LANCL1: variants seen among roughly 807,000 people sequenced by gnomAD.
LANCL1 encodes glutathione S-transferase LANCL1.
A neutral mutation model predicts 50.6 loss-of-function variants in LANCL1; 50 were observed. The ratio of observed to expected loss-of-function variants is 0.99; its 90% CI spans 0.79 to 1.25. The LOEUF (loss-of-function observed/expected upper bound fraction) is 1.25. LANCL1 is among the 50% of genes most tolerant of loss of function. The pLI, the probability that LANCL1 is intolerant of heterozygous loss-of-function variation, is 0.00. For missense variants in LANCL1, 532 were observed against 480.7 expected (o/e 1.11, Z -1.00); for synonymous variants, 188 against 178.6 (o/e 1.05, Z -0.42).
Position 210,451,455 on chromosome 2 carries a change from C to T in LANCL1, c.407+3652G>A, listed in dbSNP as rs139168162. Among the ~76,000 whole-genome samples the T allele has an allele frequency of 3.9e-4, 59 of 151,996 alleles. 2 individuals are homozygous for T. The East Asian group carries it at 0.011, about 27-fold the overall frequency. On this transcript the variant is annotated intron_variant, in intron 4 of 9. Transcript: ENST00000450366. ...ACCTGCATATTCTACACATGTACCC[C>T]GGAACTCAAAGTATAATAACAACAA... is the stretch of plus-strand genomic sequence containing the variant.
chr2:210,456,476 G>A (rs3845633), intron 3 of LANCL1, among the ~76,000 whole-genome samples: 93,206 of 151,804 alleles, frequency 0.61, 29,245 homozygotes, highest in East Asian at 0.82. Context: ...AACCTTGACT[G>A]CTCTTTCAAA....
chr2:210,441,376 T>C lies in LANCL1; in HGVS notation c.475A>G (p.Ile159Val). ...NEMLYGRIGY[I>V]YALLFVNKNF... ...TTATTGACAAAAAGAAGAGCATAGA[T>C]GTAGCCTATTCGCCCATAGAGCATT... Residue 159 changes from isoleucine to valine, a missense_variant, in exon 5 of 10, where the codon ATC becomes GTC. Ile to Val is a conservative substitution (Grantham distance 29). Transcript: ENST00000450366. The C allele has an allele frequency of 6.2e-7, 1 of 1,613,340 alleles. No individual in the cohort carries two copies. Among genetic ancestry groups the C allele is most frequent in the Non-Finnish European group, 8.5e-7 (1 of 1,179,468 alleles).
intron 2 of LANCL1, among the ~76,000 whole-genome samples, chr2:210,473,701 C>T (rs1282784088): frequency 1.3e-5 from 2 of 152,118 alleles, no homozygotes; most frequent in Non-Finnish European, 2.9e-5. Context: ...GAGGAGCATC[C>T]TTGATAAGGC....
chr2:210,449,535 C>T (rs1203905763), intron 4 of LANCL1, among the ~76,000 whole-genome samples: 1 of 152,064 alleles, frequency 6.6e-6, no homozygotes, highest in Non-Finnish European at 1.5e-5. Flanking sequence ...ATAAAGGGTA[C>T]TCAGATAGGA....
At chr2:210,469,533 C>T (rs1305284501) in intron 3 of LANCL1, among the ~76,000 whole-genome samples, 2 of 152,132 alleles carry the variant, frequency 1.3e-5, no homozygotes, top group African/African-American at 4.8e-5. Flanking sequence ...CATCTTAAAA[C>T]AACCAGCTGC....
chr2:210,458,532 T>A (rs1462127776), intron 3 of LANCL1, among the ~76,000 whole-genome samples: 11 of 151,790 alleles, frequency 7.2e-5, no homozygotes, highest in Admixed American at 5.9e-4. Context: ...GCTTCAGGAG[T>A]AGGAGCGAGA....
intron 4 of LANCL1, among the ~76,000 whole-genome samples, chr2:210,443,898 G>A (rs555959859): frequency 6.6e-6 from 1 of 152,272 alleles, no homozygotes; most frequent in African/African-American, 2.4e-5. Context: ...TGGAATGAGT[G>A]GTAAAGATGG....
chr2:210,431,871 T>C lies in LANCL1; in HGVS notation c.*2616A>G, dbSNP rs902705591. 2 of 152,202 alleles carry C rather than the reference T, an allele frequency of 1.3e-5. No homozygotes were observed. Among genetic ancestry groups the C allele is most frequent in the Non-Finnish European group, 2.9e-5 (2 of 68,036 alleles). The allele number at this position is 152,202 out of a possible 1,614,324, so 9.4% of individuals were successfully genotyped here. On this transcript the variant is annotated 3_prime_UTR_variant, in exon 10 of 10. Coordinates refer to ENST00000450366, the MANE Select transcript of LANCL1 (RefSeq NM_006055.3). Reference sequence around the variant, plus strand: ...AGGATAATGTTAACTTTTTACATGATGAAAAGTTAACTATTTGCAATTTCT... The same window carrying C: ...AGGATAATGTTAACTTTTTACATGACGAAAAGTTAACTATTTGCAATTTCT...
intron 3 of LANCL1, among the ~76,000 whole-genome samples, chr2:210,459,502 T>C (rs1693777742): frequency 6.6e-6 from 1 of 152,106 alleles, no homozygotes; most frequent in African/African-American, 2.4e-5. Flanking sequence ...GTAAACACAA[T>C]TTAAAATTCA....
At chr2:210,437,918 C>G in intron 6 of LANCL1, 46 bp from the exon 7 acceptor site, 1 of 1,352,454 alleles carries the variant, frequency 7.4e-7, no homozygotes, top group South Asian at 1.6e-5. Flanking sequence ...GCAAATAAAC[C>G]TTCCTAGGTC....
chr2:210,437,628 T>C (rs1692977835), intron 7 of LANCL1, 62 bp downstream of exon 7: 5 of 1,038,080 alleles, frequency 4.8e-6, no homozygotes, highest in Admixed American at 3.1e-5. Flanking sequence ...AGGATAAAAC[T>C]AATTTTAAAT....
At chr2:210,459,183 TTAA>T (rs1292792047) in intron 3 of LANCL1, among the ~76,000 whole-genome samples, 1 of 152,066 alleles carries the variant, frequency 6.6e-6, no homozygotes, top group Non-Finnish European at 1.5e-5. Flanking sequence ...TATTTTATAT[TTAA>T]TAAATGGTGT....
rs552994347 is a variant in LANCL1, at chr2:210,441,641, T to C, written c.408-198A>G. Among the ~76,000 whole-genome samples, 4 of 152,266 alleles carry C rather than the reference T, an allele frequency of 2.6e-5. No individual in the cohort carries two copies. In the East Asian group the frequency reaches 7.7e-4, roughly 29 times the overall value. ...TTCACTTAACAATGGAACTGACAAA[T>C]ACATTCATAAAATGAAAGAATACAA... On this transcript the variant is annotated intron_variant, in intron 4 of 9. Transcript: ENST00000450366.
chr2:210,444,914 T>C (rs1013039363), intron 4 of LANCL1, among the ~76,000 whole-genome samples: 5 of 152,142 alleles, frequency 3.3e-5, no homozygotes, highest in Admixed American at 6.5e-5. Flanking sequence ...GAATTTTAAA[T>C]TTTTAATAAA....
Position 210,435,476 on chromosome 2 carries a change from G to C in LANCL1, c.1051-17C>G. 6.2e-7 allele frequency: 1 copy of C among 1,600,168 alleles called. No individual in the cohort carries two copies. The highest frequency in any genetic ancestry group is 1.1e-5 in the South Asian group (1 of 90,800). On this transcript the variant is annotated splice_polypyrimidine_tract_variant and intron_variant, in intron 8 of 9. Transcript: ENST00000450366. Reference sequence around the variant, plus strand: ...TTCAGCAAACTGAAAATGAGACCAAGTTAAATTAGTATAGTGATTTCTTCC... The same window carrying C: ...TTCAGCAAACTGAAAATGAGACCAACTTAAATTAGTATAGTGATTTCTTCC...
Position 210,453,836 on chromosome 2 carries a change from T to TA in LANCL1, c.407+1270dup, listed in dbSNP as rs1693580853. ...CAGCTACTATGGAAGGAACACACTT[T>TA]AAACTTTGGGGGAAATCACTGTTTT... On this transcript the variant is annotated intron_variant, in intron 4 of 9. Coordinates refer to ENST00000450366, the MANE Select transcript of LANCL1 (RefSeq NM_006055.3). Among the ~76,000 whole-genome samples the TA allele has an allele frequency of 1.3e-5, 2 of 152,200 alleles. 1 individual carries two copies. Among genetic ancestry groups the TA allele is most frequent in the Admixed American group, 1.3e-4 (2 of 15,276 alleles).
At chr2:210,451,417 A>C (rs1419658757) in intron 4 of LANCL1, among the ~76,000 whole-genome samples, 2 of 152,176 alleles carry the variant, frequency 1.3e-5, no homozygotes, top group Non-Finnish European at 2.9e-5. Flanking sequence ...GCACGTGTAT[A>C]CCTGTGTAAC....
At chr2:210,448,359 G>C (rs1182883623) in intron 4 of LANCL1, among the ~76,000 whole-genome samples, 1 of 152,194 alleles carries the variant, frequency 6.6e-6, no homozygotes, top group Non-Finnish European at 1.5e-5. Context: ...GCAGCGTTTA[G>C]AGGGAAATTT....
At chr2:210,467,067 T>C (rs1412185843) in intron 3 of LANCL1, among the ~76,000 whole-genome samples, 1 of 152,188 alleles carries the variant, frequency 6.6e-6, no homozygotes, top group African/African-American at 2.4e-5. Flanking sequence ...TGAGTTCTTA[T>C]GAACCAGTGC....
Sources: gnomAD v4.1 joint callset for allele counts (sites outside exome capture counted in the v4.1 genomes callset) on GRCh38, gnomAD v4.1.1 for gene constraint, MANE v1.5 for transcripts, NCBI Gene and HGNC (gene_info 2026-07-23, HGNC 2026-07-21) for gene names.